AIG1: variants seen among roughly 807,000 people sequenced by gnomAD.
AIG1 encodes androgen induced 1.
A neutral mutation model predicts 31.4 loss-of-function variants in AIG1; 23 were observed. That is an observed-to-expected ratio of 0.73 (90% CI 0.53 to 1.04). The LOEUF is 1.04. Ranked by LOEUF, AIG1 falls within the 50% of genes least tolerant of loss-of-function variation. AIG1 has a pLI of 0.00. For synonymous variants in AIG1, 100 were observed against 110.5 expected (o/e 0.90, Z 0.60); for missense variants, 274 against 295.0 (o/e 0.93, Z 0.52).
rs1777547770 is a variant in AIG1 at position 143,337,054 on chromosome 6, A to T, written c.680-2585A>T. Among the ~76,000 whole-genome samples the T allele has an allele frequency of 2.0e-5, 3 of 152,112 alleles. 1 individual carries two copies. In the South Asian group the frequency reaches 6.2e-4, roughly 32 times the overall value. ...GTCCTCAGGGCTCACAGGGGAGGGG[A>T]TGCATAGCCCTGCCTTCCAGGCACA... On this transcript the variant is annotated intron_variant, in intron 5 of 5. Coordinates refer to ENST00000357847, the MANE Select transcript of AIG1 (RefSeq NM_016108.4).
chr6:143,343,233 G>A (rs997018906), downstream of AIG1: 1 of 666,208 alleles, frequency 1.5e-6, no homozygotes, highest in East Asian at 3.1e-5. Context: ...GAAATTTTTT[G>A]ATTATGCAGC....
At chr6:143,121,134 T>C (rs747162800) in intron 1 of AIG1, among the ~76,000 whole-genome samples, 23 of 152,228 alleles carry the variant, frequency 1.5e-4, no homozygotes, top group Non-Finnish European at 3.2e-4. Flanking sequence ...AATACATGGG[T>C]AAATCTCTGT....
At position 143,240,570 on chromosome 6, in the gene AIG1, C is replaced by T. The variant is rs572674078; in HGVS notation, c.400-43540C>T. Among the ~76,000 whole-genome samples, 281 of 152,326 alleles carry T rather than the reference C, an allele frequency of 1.8e-3. 2 individuals carry two copies. The highest frequency in any genetic ancestry group is 6.3e-3 in the African/African-American group (261 of 41,566). On this transcript the variant is annotated intron_variant, in intron 3 of 5. Coordinates refer to ENST00000357847, the MANE Select transcript of AIG1 (RefSeq NM_016108.4). ...CGAGCACATCATCCAATCTTTGCTCCTTCCCTCTGGACCAATGGCTAGTGG... is the reference window on the plus strand; with the variant it reads ...CGAGCACATCATCCAATCTTTGCTCTTTCCCTCTGGACCAATGGCTAGTGG...
chr6:143,342,342 C>T, downstream of AIG1: 3 of 668,362 alleles, frequency 4.5e-6, no homozygotes, highest in Non-Finnish European at 8.2e-6. Flanking sequence ...CACTGCGGTT[C>T]TAGCCCCGCC....
chr6:143,172,705 T>A lies in AIG1; in HGVS notation c.399+7522T>A, dbSNP rs1244513509. ...GTAAGTCTGTCTGGCCCTGGACTTT[T>A]TTTGTTGGTAGCTTTTTATTACCAT... On this transcript the variant is annotated intron_variant, in intron 3 of 5. Coordinates refer to ENST00000357847, the MANE Select transcript of AIG1 (RefSeq NM_016108.4). 2.6e-5 allele frequency among the ~76,000 whole-genome samples: 4 copies of A among 152,314 alleles called. No individual in the cohort carries two copies. In the East Asian group the frequency reaches 7.7e-4, roughly 29 times the overall value.
intron 2 of AIG1, among the ~76,000 whole-genome samples, chr6:143,137,878 C>T (rs533750364): frequency 1.3e-5 from 2 of 152,210 alleles, no homozygotes; most frequent in South Asian, 4.2e-4. Flanking sequence ...CAGCTGATTT[C>T]GGGGGAAAAC....
At chr6:143,163,026 T>A (rs996687516) in intron 2 of AIG1, among the ~76,000 whole-genome samples, 4 of 152,126 alleles carry the variant, frequency 2.6e-5, no homozygotes, top group African/African-American at 9.7e-5. Flanking sequence ...GTGCATAAGA[T>A]CTTATTGAAA....
intron 1 of AIG1, among the ~76,000 whole-genome samples, chr6:143,075,385 C>T (rs1777644906): frequency 6.6e-6 from 1 of 152,068 alleles, no homozygotes; most frequent in Admixed American, 6.5e-5. Flanking sequence ...CTCACTGCAG[C>T]CTCAACCTCC....
rs1036027994 is a variant in AIG1 at position 143,280,884 on chromosome 6, A to T, written c.400-3226A>T. Among the ~76,000 whole-genome samples the T allele has an allele frequency of 6.6e-6, 1 of 152,218 alleles. No individual in the cohort carries two copies. The highest frequency in any genetic ancestry group is 1.5e-5 in the Non-Finnish European group (1 of 68,034). On this transcript the variant is annotated intron_variant, in intron 3 of 5. Transcript: ENST00000357847. This position sits in a 1 kb window ranked among gnomAD's most constrained non-coding sequence, Gnocchi z 4.1. ...CCCCAAATCTAAAATAAAAGTTAAA[A>T]AAAAGTTCTGACTTTATGCTAGCTA...
chr6:143,273,025 A>G (rs1213868577), intron 3 of AIG1, among the ~76,000 whole-genome samples: 1 of 152,166 alleles, frequency 6.6e-6, no homozygotes, highest in Non-Finnish European at 1.5e-5. Context: ...GCTACTTGGG[A>G]GGCTGAGGCA....
At chr6:143,278,522 G>A (rs1797110333) in intron 3 of AIG1, among the ~76,000 whole-genome samples, 1 of 145,126 alleles carries the variant, frequency 6.9e-6, no homozygotes, top group Non-Finnish European at 1.5e-5. Flanking sequence ...AGGCTGCAGT[G>A]CGGTGGCGTG....
chr6:143,070,457 T>A (rs1207232136), intron 1 of AIG1, among the ~76,000 whole-genome samples: 2 of 152,204 alleles, frequency 1.3e-5, no homozygotes, highest in South Asian at 2.1e-4. Flanking sequence ...AATTTTTTTT[T>A]AGAAATTTTT....
chr6:143,199,345 A>G (rs1342256308), intron 3 of AIG1, among the ~76,000 whole-genome samples: 1 of 152,174 alleles, frequency 6.6e-6, no homozygotes. Flanking sequence ...AATTTGCTTT[A>G]AAATACTCAA....
At chr6:143,240,129 C>A (rs1794133868) in intron 3 of AIG1, among the ~76,000 whole-genome samples, 1 of 152,236 alleles carries the variant, frequency 6.6e-6, no homozygotes, top group South Asian at 2.1e-4. Flanking sequence ...TAAATCTCAG[C>A]TGCATTGCTT....
intron 3 of AIG1, among the ~76,000 whole-genome samples, chr6:143,265,825 T>G (rs1796115216): frequency 6.6e-6 from 1 of 152,166 alleles, no homozygotes; most frequent in South Asian, 2.1e-4. Context: ...AAATCCTCAC[T>G]CATTCCCTCA....
At chr6:143,174,859 G>C (rs1445307078) in intron 3 of AIG1, among the ~76,000 whole-genome samples, 1 of 152,074 alleles carries the variant, frequency 6.6e-6, no homozygotes, top group East Asian at 1.9e-4. Flanking sequence ...GCTATTTGTT[G>C]CCTGAATACC....
intron 2 of AIG1, among the ~76,000 whole-genome samples, chr6:143,152,872 G>A (rs75416205): frequency 0.011 from 1,643 of 152,246 alleles, 13 homozygotes; most frequent in Non-Finnish European, 0.019. Context: ...AGGCAATTTG[G>A]GTTCTGTAGG....
chr6:143,121,612 G>A (rs1239289225), intron 1 of AIG1, among the ~76,000 whole-genome samples: 2 of 152,182 alleles, frequency 1.3e-5, no homozygotes, highest in African/African-American at 4.8e-5. Context: ...TCCAGTGTGT[G>A]TCTGGTTAGC....
At chr6:143,070,145 G>C (rs377570854) in intron 1 of AIG1, among the ~76,000 whole-genome samples, 8 of 152,094 alleles carry the variant, frequency 5.3e-5, no homozygotes, top group African/African-American at 1.7e-4. Flanking sequence ...ATTTGTTTAT[G>C]CTATTCTAAT....
Sources: gnomAD v4.1 joint callset for allele counts (sites outside exome capture counted in the v4.1 genomes callset) on GRCh38, gnomAD v4.1.1 for gene constraint, Gnocchi (gnomAD v3.1) non-coding constraint, MANE v1.5 for transcripts, NCBI Gene and HGNC (gene_info 2026-07-23, HGNC 2026-07-21) for gene names.